Variants in ZAN observed in about 807,000 individuals in gnomAD.
ZAN encodes zonadhesin, also known as zonadhesin (gene/pseudogene).
A neutral mutation model predicts 286.2 loss-of-function variants in ZAN; 260 were observed. The observed-to-expected ratio is 0.91, with a 90% CI of 0.82 to 1.01. ZAN has a LOEUF of 1.01. Ranked by LOEUF, ZAN falls within the 50% of genes least tolerant of loss-of-function variation. The pLI is 0.00. For synonymous variants in ZAN, 1,368 were observed against 1,417.5 expected (o/e 0.97, Z 0.79); for missense variants, 3,410 against 3,639.2 (o/e 0.94, Z 1.62).
chr7:100,752,910 C>T lies in ZAN; in HGVS notation c.2805C>T (p.Thr935=). 1 of 1,610,676 alleles carries T rather than the reference C, an allele frequency of 6.2e-7. No homozygotes were observed. The highest frequency in any genetic ancestry group is 8.5e-7 in the Non-Finnish European group (1 of 1,178,698). ...CCACCATCCCCACTGAAGAGACTAC[C>T]ATCTCCACAGAAAAACTCACCATCC... is the stretch of plus-strand genomic sequence containing the variant. ...EKPTIPTEET[T]ISTEKLTIPT... Residue 935 remains threonine (T), a synonymous_variant, in exon 14 of 48, where the codon ACC becomes ACT. Coordinates refer to ENST00000613979, the MANE Select transcript of ZAN (RefSeq NM_003386.3).
Position 100,779,577 on chromosome 7 carries a change from G to T in ZAN, c.6449G>T (p.Trp2150Leu). Reference sequence around the variant, plus strand: ...GAGGCAGCGCTCCGGGCTCCTGTGTGGGCCCAGTGCGCCTCCCGCATAGAC... The same window carrying T: ...GAGGCAGCGCTCCGGGCTCCTGTGTTGGCCCAGTGCGCCTCCCGCATAGAC... ...KCEAALRAPV[W>L]AQCASRIDLT... Residue 2150 changes from tryptophan to leucine, a missense_variant, in exon 35 of 48, where the codon TGG becomes TTG. Transcript: ENST00000613979. 1.9e-6 allele frequency: 3 copies of T among 1,610,316 alleles called. No homozygotes were observed. The highest frequency in any genetic ancestry group is 2.5e-6 in the Non-Finnish European group (3 of 1,178,410).
chr7:100,733,969 A>AAGC (rs1807123990), intron 1 of ZAN, 58 bp from the exon 2 acceptor site: 1 of 409,084 alleles, frequency 2.4e-6, no homozygotes, highest in East Asian at 3.8e-5. Flanking sequence ...CCTCGATTTC[A>AAGC]ATCTACGATG....
intron 42 of ZAN, 150 bp downstream of exon 42, chr7:100,792,629 C>G: frequency 6.9e-7 from 1 of 1,450,340 alleles, no homozygotes; most frequent in Non-Finnish European, 9.1e-7. Flanking sequence ...TGCCTCATCT[C>G]GGGCTTTCTG....
chr7:100,784,881 C>A, intron 36 of ZAN, 47 bp downstream of exon 36: 1 of 1,506,130 alleles, frequency 6.6e-7, no homozygotes, highest in Non-Finnish European at 8.9e-7. Flanking sequence ...AGCTTGAGGG[C>A]AGTGCTTTCT....
At position 100,751,203 on chromosome 7, in the gene ZAN, G is replaced by A. The variant is rs569606145; in HGVS notation, c.1543G>A (p.Gly515Arg). ...TTAGCTTATTTTCAAGGGCATCCAG[G>A]GAAGCAACACGGCCTCTGTGGTTGC... ...PMQLIFKGIQ[G>R]SNTASVVAMG... is the part of the protein sequence containing the mutation. Residue 515 changes from glycine (G) to arginine (R), a missense_variant, in exon 13 of 48, where the codon GGA (glycine) becomes AGA (arginine). Gly to Arg is a moderately radical substitution (Grantham distance 125, BLOSUM62 -2). Around this residue, in one of 7 missense-constraint regions of ZAN, gnomAD observed 872 missense variants for 938.9 expected, o/e 0.93. Transcript: ENST00000613979. 8 of 1,609,210 alleles carry A rather than the reference G, an allele frequency of 5.0e-6. No homozygotes were observed. The highest frequency in any genetic ancestry group is 2.2e-5 in the South Asian group (2 of 90,276).
chr7:100,753,272 A>G (rs1450828625), intron 14 of ZAN, 43 bp downstream of exon 14: 3 of 1,524,492 alleles, frequency 2.0e-6, no homozygotes, highest in South Asian at 1.3e-5. Context: ...AAAGTCAGAG[A>G]CAATGACTAG....
rs1808869129 is a variant in ZAN, at chr7:100,752,948, C to CCAACATCTCCCCAGAAAAACT, written c.2845_2846insACATCTCCCCAGAAAAACTCA (p.Pro948_Thr949insAsnIleSerProGluLysLeu). On this transcript the variant is annotated inframe_insertion, in exon 14 of 48. Transcript: ENST00000613979. ...AAACTCACCATCCCCACAGAAAAAC[C>CCAACATCTCCCCAGAAAAACT]CACCATCTCCCCAGAAAAACTCACC... 6.2e-7 allele frequency: 1 copy of CCAACATCTCCCCAGAAAAACT among 1,609,808 alleles called. No homozygotes were observed. Among genetic ancestry groups the CCAACATCTCCCCAGAAAAACT allele is most frequent in the Admixed American group, 1.7e-5 (1 of 59,432 alleles).
rs1301371742 is a variant in ZAN, at chr7:100,743,060, T to C, written c.767-3478T>C. ...TTTTTTTTTTGAGACAGAATCTTGC[T>C]GTTGCCAGGCTGGAGTGCAATGGCA... On this transcript the variant is annotated intron_variant, in intron 7 of 47. Transcript: ENST00000613979. 6.0e-5 allele frequency among the ~76,000 whole-genome samples: 6 copies of C among 99,454 alleles called. 1 individual carries two copies. The highest frequency in any genetic ancestry group is 1.4e-4 in the Non-Finnish European group (6 of 41,686). The allele number at this position is 99,454 out of a possible 152,430, so 65.2% of individuals were successfully genotyped here. A position where few individuals can be genotyped will look rare whatever the true frequency, so the allele number is the denominator to read the frequency against.
chr7:100,792,684 C>A lies in ZAN; in HGVS notation c.7787+205C>A. The A allele has an allele frequency of 7.6e-7, 1 of 1,309,466 alleles. No homozygotes were observed. The highest frequency in any genetic ancestry group is 1.0e-6 in the Non-Finnish European group (1 of 998,602). The allele number at this position is 1,309,466 out of a possible 1,614,324, so 81.1% of individuals were successfully genotyped here. The stretch of plus-strand genomic sequence containing the variant: ...CGAATTTCTGCCTTAGTCCCAGGTC[C>A]AAGTCAGCACAACCGGCAGCCTGGC... On this transcript the variant is annotated intron_variant, in intron 42 of 47. Coordinates refer to ENST00000613979, the MANE Select transcript of ZAN (RefSeq NM_003386.3).
intron 42 of ZAN, 57 bp downstream of exon 42, chr7:100,792,536 C>A: frequency 1.9e-6 from 3 of 1,607,668 alleles, no homozygotes; most frequent in South Asian, 1.1e-5. Context: ...CGGGACCGCA[C>A]CCTCTGCGGT....
At chr7:100,787,299 C>A (rs934090370) in intron 37 of ZAN, among the ~76,000 whole-genome samples, 2 of 150,644 alleles carry the variant, frequency 1.3e-5, no homozygotes, top group Non-Finnish European at 3.0e-5. Context: ...GGTGGTGGTG[C>A]GCACCTAAAG....
At position 100,797,405 on chromosome 7, in the gene ZAN, C is replaced by T. The variant is rs1457086958; in HGVS notation, c.8306C>T (p.Pro2769Leu). The T allele has an allele frequency of 6.2e-7, 1 of 1,613,820 alleles. No individual in the cohort carries two copies. Among genetic ancestry groups the T allele is most frequent in the African/African-American group, 1.3e-5 (1 of 75,010 alleles). ...LVGVLLGLLVPVVVVLLAVTR... is the reference protein window; with the variant it reads ...LVGVLLGLLVLVVVVLLAVTR... The stretch of plus-strand genomic sequence containing the variant: ...GGCGTCCTACTGGGACTGCTGGTGC[C>T]TGTGGTGGTCGTACTACTGGCCGTG... Residue 2769 changes from proline to leucine, a missense_variant, in exon 46 of 48, where the codon CCT (proline) becomes CTT (leucine). This residue lies in a region of ZAN where 1,289 missense variants were observed against 1,314.3 expected (regional missense o/e 0.98). Coordinates refer to ENST00000613979, the MANE Select transcript of ZAN (RefSeq NM_003386.3).
At chr7:100,779,386 A>G in intron 34 of ZAN, 60 bp from the exon 35 acceptor site, 1 of 1,495,942 alleles carries the variant, frequency 6.7e-7, no homozygotes. Context: ...TAAAGAAAAA[A>G]AAATTTTGTG....
chr7:100,754,555 G>T (rs1338934674), intron 14 of ZAN, among the ~76,000 whole-genome samples: 1 of 151,896 alleles, frequency 6.6e-6, no homozygotes, highest in East Asian at 1.9e-4. Flanking sequence ...CCAGGCTGGA[G>T]TGCAGAGGTG....
intron 15 of ZAN, among the ~76,000 whole-genome samples, chr7:100,756,893 G>A (rs563829889): frequency 4.2e-4 from 64 of 152,052 alleles, no homozygotes; most frequent in Admixed American, 2.6e-3. Context: ...CTCAGACTCC[G>A]GAGTACCTGG....
At position 100,791,967 on chromosome 7, in the gene ZAN, G is replaced by A. The variant is rs528188562; in HGVS notation, c.7531G>A (p.Ala2511Thr). ...TEDALLRFPR[A>T]IPAEEEGQGA... ...ACCCCGTGGCTGTCTCTACTGCAGG[G>A]CTATACCAGCGGAGGAGGAGGGACA... The change falls in exon 41 of 48, where the codon GCT becomes ACT. Residue 2511 changes from alanine to threonine, a missense_variant and splice_region_variant. This residue lies in a region of ZAN where 1,289 missense variants were observed against 1,314.3 expected (regional missense o/e 0.98). Coordinates refer to ENST00000613979, the MANE Select transcript of ZAN (RefSeq NM_003386.3). The A allele has an allele frequency of 6.2e-7, 1 of 1,611,718 alleles. No individual in the cohort carries two copies. Among genetic ancestry groups the A allele is most frequent in the African/African-American group, 1.3e-5 (1 of 75,028 alleles).
At chr7:100,778,923 C>G (rs1239517148) in intron 34 of ZAN, among the ~76,000 whole-genome samples, 1 of 152,058 alleles carries the variant, frequency 6.6e-6, no homozygotes, top group Non-Finnish European at 1.5e-5. Context: ...ATCCCAGCTA[C>G]TCAAAAGGCT....
In ZAN at chr7:100,736,577, T is replaced by TG. The variant is rs1562908447; in HGVS notation, c.204dup (p.Pro69AlafsTer15). ...ACGATGAAGACTGGGTTCGAGCCAG[T>TG]GGGCCCTCTCCCACCGGCTCCACCG... On this transcript the variant is annotated frameshift_variant, in exon 4 of 48. Transcript: ENST00000613979. LOFTEE classifies it high-confidence loss of function. 6.6e-7 allele frequency: 1 copy of TG among 1,523,030 alleles called. No homozygotes were observed. Among genetic ancestry groups the TG allele is most frequent in the East Asian group, 2.3e-5 (1 of 43,890 alleles). 94.3% of individuals were successfully genotyped at this position (1,523,030 alleles called of 1,614,324 possible).
chr7:100,752,741 C>T lies in ZAN; in HGVS notation c.2636C>T (p.Thr879Ile). Reference sequence around the variant, plus strand: ...CTCACCATCCCCACGGAAAAACTCACCATCCCCACGGAAAAACCCACCATC... The same window carrying T: ...CTCACCATCCCCACGGAAAAACTCATCATCCCCACGGAAAAACCCACCATC... ...EKLTIPTEKL[T>I]IPTEKPTIPI... The change falls in exon 14 of 48, where the codon ACC (threonine) becomes ATC (isoleucine). Residue 879 changes from threonine to isoleucine, a missense_variant. This residue lies in a region of ZAN where 51 missense variants were observed against 105.2 expected (regional missense o/e 0.48). Transcript: ENST00000613979. The T allele has an allele frequency of 6.5e-7, 1 of 1,541,226 alleles. No individual in the cohort carries two copies.
Sources: allele counts gnomAD v4.1 joint callset (sites outside exome capture counted in the v4.1 genomes callset), GRCh38; gene constraint gnomAD v4.1.1; regional missense constraint gnomAD v4.1.1; transcripts MANE v1.5; gene names NCBI Gene and HGNC (gene_info 2026-07-23, HGNC 2026-07-21).